The following COL20A1 variants were observed in gnomAD, a reference collection of about 807,000 sequenced individuals.
The protein encoded by COL20A1 is collagen alpha-1(XX) chain.
Under a neutral mutation model 152.9 loss-of-function variants are expected in COL20A1, and 164 were observed. The ratio of observed to expected loss-of-function variants is 1.07; its 90% confidence interval spans 0.94 to 1.22. The LOEUF (loss-of-function observed/expected upper bound fraction) is 1.22, where lower values mean the gene tolerates loss of function less well. Among genes scored for constraint, COL20A1 ranks in the 50% most tolerant of loss-of-function variants. The pLI is 0.00. For missense variants in COL20A1, 1,873 were observed against 1,744.8 expected (o/e 1.07, Z -1.31); for synonymous variants, 864 against 756.0 (o/e 1.14, Z -2.34).
chr20:63,312,147 A>G, intron 14 of COL20A1, 92 bp downstream of exon 14: 1 of 1,365,542 alleles, frequency 7.3e-7, no homozygotes, highest in Non-Finnish European at 9.7e-7. Context: ...ATCAGATAAC[A>G]CATTCAAAAC....
rs1307576962 is a variant in COL20A1 at position 63,333,225 on chromosome 20, A to C, written c.*2509A>C. 1 of 152,562 alleles carries C rather than the reference A, an allele frequency of 6.6e-6. No individual in the cohort carries two copies. Among genetic ancestry groups the C allele is most frequent in the Non-Finnish European group, 1.5e-5 (1 of 68,354 alleles). The allele number at this position is 152,562 out of a possible 1,614,324, so 9.5% of individuals were successfully genotyped here. Reference sequence around the variant, plus strand: ...GTGTGGGGGCTCCGGGAGGAAATGCAGGGAGGTGCTTGGTCTTGGCCCAGA... The same window carrying C: ...GTGTGGGGGCTCCGGGAGGAAATGCCGGGAGGTGCTTGGTCTTGGCCCAGA... On this transcript the variant is annotated 3_prime_UTR_variant, in exon 36 of 36. Coordinates refer to ENST00000358894, the MANE Select transcript of COL20A1 (RefSeq NM_020882.4).
In COL20A1 at chr20:63,326,156, A is replaced by C. The variant is rs1432964692; in HGVS notation, c.3456+7A>C. On this transcript the variant is annotated splice_region_variant and intron_variant, in intron 30 of 35. Transcript: ENST00000358894. Reference sequence around the variant, plus strand: ...TGGACCCCCTGGCCCCAGGGTAGGCACCGACCTCCCATGACCCCGACCCCC... The same window carrying C: ...TGGACCCCCTGGCCCCAGGGTAGGCCCCGACCTCCCATGACCCCGACCCCC... 6.2e-7 allele frequency: 1 copy of C among 1,610,174 alleles called. No individual in the cohort carries two copies. The highest frequency in any genetic ancestry group is 1.3e-5 in the African/African-American group (1 of 74,826).
intron 7 of COL20A1, 124 bp from the exon 8 acceptor site, chr20:63,308,418 T>G (rs927051455): frequency 7.6e-5 from 76 of 994,298 alleles, no homozygotes; most frequent in Non-Finnish European, 1.0e-4. Context: ...CTTGGGCTGC[T>G]GCGGGGCCTC....
Position 63,312,454 on chromosome 20 carries a change from T to G in COL20A1, c.1838T>G (p.Leu613Arg). ...CCTGGGAACGCCACCTCGGCCACGCTGGGGCCTCTCTCTTCCTCCACCACC... is the reference window on the plus strand; with the variant it reads ...CCTGGGAACGCCACCTCGGCCACGCGGGGGCCTCTCTCTTCCTCCACCACC... ...EAPGNATSAT[L>R]GPLSSSTTYT... Residue 613 changes from leucine (L) to arginine (R), a missense_variant, in exon 15 of 36, where the codon CTG (leucine) becomes CGG (arginine). By Grantham distance (102) the Leu-to-Arg change is moderately radical. Coordinates refer to ENST00000358894, the MANE Select transcript of COL20A1 (RefSeq NM_020882.4). The G allele has an allele frequency of 6.2e-7, 1 of 1,606,498 alleles. No homozygotes were observed. Among genetic ancestry groups the G allele is most frequent in the Middle Eastern group, 2.0e-4 (1 of 4,892 alleles).
At chr20:63,303,701 C>T (rs2067885467) in intron 3 of COL20A1, among the ~76,000 whole-genome samples, 1 of 152,206 alleles carries the variant, frequency 6.6e-6, no homozygotes. Context: ...CTGGTCACTC[C>T]CTGGCGCGGG....
chr20:63,304,051 T>C (rs1316111708), intron 3 of COL20A1, among the ~76,000 whole-genome samples: 2 of 128,196 alleles, frequency 1.6e-5, no homozygotes, highest in African/African-American at 6.1e-5. Flanking sequence ...CTCCCTCTCT[T>C]CCTCCCTCCC....
intron 34 of COL20A1, chr20:63,329,344 G>C (rs1465272010): frequency 7.0e-6 from 4 of 571,118 alleles, no homozygotes; most frequent in Non-Finnish European, 1.2e-5. Flanking sequence ...CTATCACAGG[G>C]CCCCCACCTG....
At position 63,329,615 on chromosome 20, in the gene COL20A1, G is replaced by A. The variant is rs780417343; in HGVS notation, c.3812G>A (p.Ser1271Asn). Residue 1271 changes from serine to asparagine, a missense_variant, in exon 35 of 36, where the codon AGC becomes AAC. Physicochemically the swap from Ser to Asn is conservative, Grantham distance 46. Coordinates refer to ENST00000358894, the MANE Select transcript of COL20A1 (RefSeq NM_020882.4). ...CCTGGAGCTGTTGGTCAGATGGGCAGCCCTGGGCAGCAGGGGGCTAGCACC... is the reference window on the plus strand; with the variant it reads ...CCTGGAGCTGTTGGTCAGATGGGCAACCCTGGGCAGCAGGGGGCTAGCACC... ...GEPGAVGQMG[S>N]PGQQGASTQG... The A allele has an allele frequency of 6.2e-7, 1 of 1,607,726 alleles. No homozygotes were observed. Among genetic ancestry groups the A allele is most frequent in the South Asian group, 1.1e-5 (1 of 90,456 alleles).
intron 8 of COL20A1, 69 bp from the exon 9 acceptor site, chr20:63,309,264 C>T (rs528290622): frequency 3.2e-6 from 4 of 1,254,462 alleles, no homozygotes; most frequent in Non-Finnish European, 4.2e-6. Context: ...TCCATGGAGA[C>T]CCCCACCGCA....
chr20:63,328,987 TGGA>T (rs1215769576), intron 34 of COL20A1, among the ~76,000 whole-genome samples: 2 of 152,070 alleles, frequency 1.3e-5, no homozygotes, highest in African/African-American at 4.8e-5. Flanking sequence ...GACGCTGAGA[TGGA>T]GGAGAGGCTG....
In COL20A1 at chr20:63,306,149, C is replaced by G; in HGVS notation, c.496+110C>G. 1.0e-6 allele frequency: 1 copy of G among 986,276 alleles called. No individual in the cohort carries two copies. Among genetic ancestry groups the G allele is most frequent in the Non-Finnish European group, 1.5e-6 (1 of 678,784 alleles). 61.1% of individuals were successfully genotyped at this position (986,276 alleles called of 1,614,324 possible). ...TCTTCCTCGTGTCTGACCACACGGT[C>G]TCTGACCACGAGGCCAGGAAGTTCT... On this transcript the variant is annotated intron_variant, in intron 5 of 35. Transcript: ENST00000358894. The surrounding 1 kb of genome is among the most constrained non-coding windows in gnomAD (Gnocchi z 6.9).
At chr20:63,326,666 C>T (rs1453218801) in intron 30 of COL20A1, 86 bp from the exon 31 acceptor site, 7 of 914,472 alleles carry the variant, frequency 7.7e-6, no homozygotes, top group African/African-American at 1.8e-5. Context: ...GGTCAGGGGG[C>T]CCCTGGGACA....
At chr20:63,294,348 T>C (rs1040156498) in intron 1 of COL20A1, among the ~76,000 whole-genome samples, 1 of 151,436 alleles carries the variant, frequency 6.6e-6, no homozygotes, top group Non-Finnish European at 1.5e-5. Flanking sequence ...TGGGCACTGG[T>C]CACTGGGTTA....
At chr20:63,295,660 C>T (rs999409866) in intron 2 of COL20A1, among the ~76,000 whole-genome samples, 3 of 152,216 alleles carry the variant, frequency 2.0e-5, no homozygotes, top group African/African-American at 7.2e-5. Flanking sequence ...TCAGAAGGCC[C>T]CTCCAGTCTG....
At chr20:63,324,115 G>A (rs2068209041) in intron 27 of COL20A1, among the ~76,000 whole-genome samples, 1 of 152,162 alleles carries the variant, frequency 6.6e-6, no homozygotes, top group African/African-American at 2.4e-5. Flanking sequence ...GCTATTATAA[G>A]TGAGGTGTTT....
chr20:63,293,910 G>A (rs6011722), intron 1 of COL20A1, among the ~76,000 whole-genome samples: 45,375 of 105,156 alleles, frequency 0.43, 10,569 homozygotes, highest in East Asian at 0.6. Flanking sequence ...TCGGCTGCAG[G>A]GGGTGGGAGG....
chr20:63,301,031 C>T (rs1457404486), intron 3 of COL20A1, among the ~76,000 whole-genome samples: 1 of 152,096 alleles, frequency 6.6e-6, no homozygotes, highest in Non-Finnish European at 1.5e-5. Flanking sequence ...AAGTACCTTG[C>T]TGGCCGGGCG....
At chr20:63,304,740 G>A (rs975500395) in intron 3 of COL20A1, among the ~76,000 whole-genome samples, 5 of 142,646 alleles carry the variant, frequency 3.5e-5, no homozygotes, top group East Asian at 2.3e-4. Context: ...TCCCTCCCTC[G>A]AGGTGTGCAA....
rs537340612 is a variant in COL20A1 at position 63,330,805 on chromosome 20, C to G, written c.*89C>G. 2.0e-5 allele frequency: 3 copies of G among 152,326 alleles called. No individual in the cohort carries two copies. The highest frequency in any genetic ancestry group is 7.2e-5 in the African/African-American group (3 of 41,544). The allele number at this position is 152,326 out of a possible 1,614,324, so 9.4% of individuals were successfully genotyped here. A position where few individuals can be genotyped will look rare whatever the true frequency, so the allele number is the denominator to read the frequency against. ...CGAGAGCGACCACATCCTGGAGAAGCCAGGAGAAAAGCTCAGGAAGAGCCT... is the reference window on the plus strand; with the variant it reads ...CGAGAGCGACCACATCCTGGAGAAGGCAGGAGAAAAGCTCAGGAAGAGCCT... On this transcript the variant is annotated 3_prime_UTR_variant, in exon 36 of 36. Transcript: ENST00000358894.
Sources: allele counts gnomAD v4.1 joint callset (sites outside exome capture counted in the v4.1 genomes callset), GRCh38; gene constraint gnomAD v4.1.1; non-coding constraint Gnocchi (gnomAD v3.1); transcripts MANE v1.5; gene names NCBI Gene and HGNC (gene_info 2026-07-23, HGNC 2026-07-21).